CNBD1: variants seen among roughly 807,000 people sequenced by gnomAD.
CNBD1 encodes cyclic nucleotide binding domain containing 1, also known as cyclic nucleotide-binding domain-containing protein 1.
CNBD1 carries 71 observed loss-of-function variants against 54.4 expected under a neutral mutation model. The ratio of observed to expected loss-of-function variants is 1.30; its 90% CI spans 1.08 to 1.59. CNBD1 has a LOEUF of 1.59. Ranked by LOEUF, CNBD1 falls within the 40% of genes most tolerant of loss-of-function variation. CNBD1 has a pLI of 0.00. For synonymous variants in CNBD1, 182 were observed against 170.7 expected, an observed-to-expected ratio of 1.07 and a Z score of -0.51; for missense variants, 659 against 518.0, an observed-to-expected ratio of 1.27 and a Z score of -2.64.
intron 4 of CNBD1, among the ~76,000 whole-genome samples, chr8:86,979,995 T>C (rs1674956951): frequency 6.6e-6 from 1 of 152,270 alleles, no homozygotes; most frequent in African/African-American, 2.4e-5. Flanking sequence ...CAGTTTTTGC[T>C]AATTTAAGTG....
At chr8:86,982,824 G>C (rs1344681231) in intron 4 of CNBD1, among the ~76,000 whole-genome samples, 1 of 152,108 alleles carries the variant, frequency 6.6e-6, no homozygotes, top group Non-Finnish European at 1.5e-5. Context: ...TACACAACAA[G>C]CCTGCTGAGG....
At chr8:87,362,962 G>A (rs1006541089) in intron 10 of CNBD1, among the ~76,000 whole-genome samples, 14 of 151,746 alleles carry the variant, frequency 9.2e-5, no homozygotes, top group Admixed American at 5.9e-4. Context: ...CCATCAACCC[G>A]TCATCTATAT....
At chr8:87,135,398 C>T (rs1342826217) in intron 4 of CNBD1, among the ~76,000 whole-genome samples, 3 of 151,542 alleles carry the variant, frequency 2.0e-5, no homozygotes, top group African/African-American at 7.3e-5. Context: ...GTAATCTTTT[C>T]CTTGCTTTAA....
downstream of CNBD1, among the ~76,000 whole-genome samples, chr8:87,383,330 C>T (rs1295451889): frequency 6.6e-6 from 1 of 152,076 alleles, no homozygotes; most frequent in East Asian, 1.9e-4. Context: ...TACCTGGTGC[C>T]ATGCCCATTT....
chr8:87,281,471 A>AT (rs1808595043), intron 6 of CNBD1, among the ~76,000 whole-genome samples: 1 of 145,810 alleles, frequency 6.9e-6, no homozygotes, highest in Non-Finnish European at 1.5e-5. Context: ...CTAACTGTTC[A>AT]TTTTTTAAAA....
intron 4 of CNBD1, among the ~76,000 whole-genome samples, chr8:87,080,076 C>T (rs1408963928): frequency 6.6e-6 from 1 of 152,152 alleles, no homozygotes; most frequent in Non-Finnish European, 1.5e-5. Context: ...TTTCCTTTCC[C>T]TATTAACATT....
chr8:87,083,358 AG>A (rs1428867048), intron 4 of CNBD1, among the ~76,000 whole-genome samples: 1 of 152,148 alleles, frequency 6.6e-6, no homozygotes, highest in African/African-American at 2.4e-5. Flanking sequence ...AGGTCTGAAC[AG>A]GAAACATTTG....
At chr8:86,991,364 T>C (rs1478130225) in intron 4 of CNBD1, among the ~76,000 whole-genome samples, 1 of 151,960 alleles carries the variant, frequency 6.6e-6, no homozygotes, top group Non-Finnish European at 1.5e-5. Flanking sequence ...CTTATTCAGA[T>C]ATTCTCTCTC....
At chr8:87,352,555 G>A (rs1211429283) in intron 9 of CNBD1, among the ~76,000 whole-genome samples, 1 of 151,014 alleles carries the variant, frequency 6.6e-6, no homozygotes, top group Admixed American at 6.6e-5. Flanking sequence ...ACTGACAGTT[G>A]AATGAATAGA....
At chr8:86,882,562 C>G (rs1808621190) in intron 1 of CNBD1, among the ~76,000 whole-genome samples, 2 of 152,242 alleles carry the variant, frequency 1.3e-5, no homozygotes, top group African/African-American at 2.4e-5. Flanking sequence ...CACTTACACC[C>G]TGTTGGTGGG....
At chr8:87,078,702 G>C (rs1054919153) in intron 4 of CNBD1, among the ~76,000 whole-genome samples, 1 of 152,074 alleles carries the variant, frequency 6.6e-6, no homozygotes, top group East Asian at 1.9e-4. Context: ...GAGCATCACA[G>C]GAAAAGAAAA....
chr8:87,013,741 G>A (rs1349032274), intron 4 of CNBD1, among the ~76,000 whole-genome samples: 3 of 150,508 alleles, frequency 2.0e-5, no homozygotes, highest in Admixed American at 6.6e-5. Context: ...ATGTATATAT[G>A]CATGTGTATA....
At chr8:86,934,035 T>C (rs1274777708) in intron 3 of CNBD1, among the ~76,000 whole-genome samples, 1 of 152,186 alleles carries the variant, frequency 6.6e-6, no homozygotes, top group Non-Finnish European at 1.5e-5. Flanking sequence ...AAAAATTTAG[T>C]ATCTATAGAA....
intron 8 of CNBD1, among the ~76,000 whole-genome samples, chr8:87,322,332 C>T (rs1270647252): frequency 8.3e-6 from 1 of 120,358 alleles, no homozygotes; most frequent in African/African-American, 3.2e-5. Flanking sequence ...AATGGGATGG[C>T]TGGGTCAAAT....
intron 4 of CNBD1, among the ~76,000 whole-genome samples, chr8:87,117,045 C>T (rs907164513): frequency 3.3e-5 from 5 of 152,088 alleles, no homozygotes; most frequent in African/African-American, 7.2e-5. Flanking sequence ...ATAAACATCA[C>T]GAAATAAATA....
intron 8 of CNBD1, among the ~76,000 whole-genome samples, chr8:87,348,216 G>A (rs1204755939): frequency 1.3e-5 from 2 of 152,048 alleles, no homozygotes; most frequent in African/African-American, 4.8e-5. Flanking sequence ...CTTCTCAGAT[G>A]CACTTATCTT....
intron 4 of CNBD1, among the ~76,000 whole-genome samples, chr8:86,977,989 A>G (rs1158446253): frequency 6.6e-6 from 1 of 152,172 alleles, no homozygotes; most frequent in Non-Finnish European, 1.5e-5. Flanking sequence ...ACTCAACAAT[A>G]TACTAGTAAA....
chr8:87,398,607 C>A (rs919153719), intron 2 of CNBD1, among the ~76,000 whole-genome samples: 1 of 151,920 alleles, frequency 6.6e-6, no homozygotes, highest in Non-Finnish European at 1.5e-5. Context: ...CATAATCCTT[C>A]TTTTTAAAAA....
chr8:87,016,034 A>G (rs1199276092), intron 4 of CNBD1, among the ~76,000 whole-genome samples: 1 of 150,646 alleles, frequency 6.6e-6, no homozygotes, highest in Non-Finnish European at 1.5e-5. Context: ...TTATACCTCT[A>G]TCTTTATATG....
Sources: allele counts gnomAD v4.1 joint callset (sites outside exome capture counted in the v4.1 genomes callset), GRCh38; gene constraint gnomAD v4.1.1; transcripts MANE v1.5; gene names NCBI Gene and HGNC (gene_info 2026-07-23, HGNC 2026-07-21).